The following SYNJ2 variants were observed in gnomAD, a reference collection of about 807,000 sequenced individuals.
SYNJ2 encodes synaptojanin 2.
In SYNJ2, 116 loss-of-function variants were observed where a neutral mutation model predicts 141.3. That is an observed-to-expected ratio of 0.82 (90% CI 0.71 to 0.96). SYNJ2 has a LOEUF of 0.96. SYNJ2 is among the 40% of genes least tolerant of loss of function. SYNJ2 has a pLI of 0.00. For synonymous variants in SYNJ2, 745 were observed against 777.7 expected (o/e 0.96, Z 0.70); for missense variants, 1,873 against 1,934.8 (o/e 0.97, Z 0.60).
intron 4 of SYNJ2, among the ~76,000 whole-genome samples, chr6:158,042,929 AG>A (rs1240874670): frequency 1.3e-5 from 2 of 152,234 alleles, no homozygotes; most frequent in African/African-American, 4.8e-5. Context: ...CTATTTGCCA[AG>A]GCAAAAATAG....
chr6:158,006,094 C>T (rs577563715), intron 1 of SYNJ2, among the ~76,000 whole-genome samples: 3 of 152,346 alleles, frequency 2.0e-5, no homozygotes, highest in Admixed American at 1.3e-4. Flanking sequence ...TTTCTGCCAG[C>T]ACAAAACTTG....
chr6:158,010,015 C>T (rs1426340707), intron 1 of SYNJ2, among the ~76,000 whole-genome samples: 1 of 152,210 alleles, frequency 6.6e-6, no homozygotes, highest in East Asian at 1.9e-4. Context: ...CTCCTGGGCT[C>T]AAGCAATCCT....
intron 2 of SYNJ2, among the ~76,000 whole-genome samples, chr6:158,021,107 A>G (rs1329998011): frequency 6.6e-6 from 1 of 152,192 alleles, no homozygotes; most frequent in Non-Finnish European, 1.5e-5. Flanking sequence ...CCCAATGATT[A>G]TAGCAATTTA....
At chr6:158,038,553 C>G (rs1362903614) in intron 4 of SYNJ2, among the ~76,000 whole-genome samples, 4 of 152,224 alleles carry the variant, frequency 2.6e-5, no homozygotes, top group African/African-American at 9.6e-5. Context: ...CTGGCCCATC[C>G]ATCGGAGACC....
rs1782304554 is a variant in SYNJ2, at chr6:158,076,589, A to T, written c.2293-37A>T. 4 of 1,586,154 alleles carry T rather than the reference A, an allele frequency of 2.5e-6. No individual in the cohort carries two copies. In the East Asian group the frequency reaches 9.0e-5, roughly 36 times the overall value. ...TTGTATATAACATTCAGGATCGAAA[A>T]CTACGGTGGCCTGATGACTTCTTTT... On this transcript the variant is annotated intron_variant, in intron 16 of 26. Transcript: ENST00000355585.
chr6:158,045,142 C>T (rs953027436), intron 5 of SYNJ2, among the ~76,000 whole-genome samples: 3 of 122,994 alleles, frequency 2.4e-5, no homozygotes, highest in African/African-American at 9.2e-5. Context: ...GAGTCTCACT[C>T]TGTTGCCCAG....
At chr6:158,094,029 G>T (rs375114761) in intron 26 of SYNJ2, 9 of 763,998 alleles carry the variant, frequency 1.2e-5, no homozygotes, top group Middle Eastern at 2.2e-4. Context: ...TTCTAGTAAC[G>T]GACCCTCGGT....
chr6:158,024,347 G>T (rs151225280), intron 2 of SYNJ2, among the ~76,000 whole-genome samples: 3 of 152,170 alleles, frequency 2.0e-5, no homozygotes, highest in African/African-American at 7.2e-5. Context: ...CCTGAAAGGC[G>T]AAAGTTGAAC....
At chr6:158,047,856 T>C (rs1446545382) in intron 5 of SYNJ2, among the ~76,000 whole-genome samples, 2 of 137,730 alleles carry the variant, frequency 1.5e-5, no homozygotes, top group Non-Finnish European at 3.1e-5. Flanking sequence ...CTGCTATTGA[T>C]ACTAATAGAA....
chr6:158,024,772 GA>G lies in SYNJ2; in HGVS notation c.215-3981del, dbSNP rs146898661. The stretch of plus-strand genomic sequence containing the variant: ...ATGGAATTCTGAAGAGGGGGGACTG[GA>G]AATATGAGTGAAAGTTCCATGTGGT... On this transcript the variant is annotated intron_variant, in intron 2 of 26. Coordinates refer to ENST00000355585, the MANE Select transcript of SYNJ2 (RefSeq NM_003898.4). Among the ~76,000 whole-genome samples the G allele has an allele frequency of 2.1e-3, 319 of 152,262 alleles. 1 individual carries two copies. The highest frequency in any genetic ancestry group is 7.2e-3 in the African/African-American group (301 of 41,532).
intron 4 of SYNJ2, among the ~76,000 whole-genome samples, chr6:158,041,813 A>C (rs1042042431): frequency 2.6e-5 from 4 of 152,152 alleles, no homozygotes; most frequent in Non-Finnish European, 5.9e-5. Context: ...GGCTCAGGTG[A>C]TCTTCTTGCC....
intron 26 of SYNJ2, among the ~76,000 whole-genome samples, chr6:158,094,892 A>G (rs1431590954): frequency 6.6e-6 from 1 of 152,228 alleles, no homozygotes; most frequent in Non-Finnish European, 1.5e-5. Flanking sequence ...TCACGCGTGT[A>G]ATCCCAGCAC....
At chr6:158,092,739 T>C (rs1228330161) in intron 25 of SYNJ2, among the ~76,000 whole-genome samples, 187 bp from the exon 26 acceptor site, 2 of 152,078 alleles carry the variant, frequency 1.3e-5, no homozygotes, top group African/African-American at 2.4e-5. Flanking sequence ...CACTCCGGCC[T>C]GGGTGGCAGA....
intron 2 of SYNJ2, among the ~76,000 whole-genome samples, chr6:158,018,437 G>A (rs566904684): frequency 2.0e-5 from 3 of 152,270 alleles, no homozygotes; most frequent in South Asian, 2.1e-4. Flanking sequence ...GTCTGAATTC[G>A]GGCTTTCCCT....
intron 12 of SYNJ2, chr6:158,068,056 A>T (rs1781673469): frequency 1.1e-6 from 1 of 902,034 alleles, no homozygotes; most frequent in Non-Finnish European, 1.3e-6. Context: ...CCCACTAGAG[A>T]TACACCAGGT....
At chr6:158,065,041 G>A (rs1489181145) in intron 11 of SYNJ2, 50 bp downstream of exon 11, 2 of 1,472,320 alleles carry the variant, frequency 1.4e-6, no homozygotes, top group Admixed American at 2.4e-5. Context: ...GTGCTCCCCA[G>A]CCCCACTTTC....
chr6:158,005,830 G>A (rs188387291), intron 1 of SYNJ2, among the ~76,000 whole-genome samples: 2 of 151,998 alleles, frequency 1.3e-5, no homozygotes, highest in South Asian at 2.1e-4. Flanking sequence ...TGAAGCCACT[G>A]GAAGAGAATT....
At chr6:158,000,546 A>G (rs1777806824) in intron 1 of SYNJ2, among the ~76,000 whole-genome samples, 1 of 152,258 alleles carries the variant, frequency 6.6e-6, no homozygotes, top group South Asian at 2.1e-4. Flanking sequence ...TCACCAAACA[A>G]CAACAAATAA....
intron 1 of SYNJ2, among the ~76,000 whole-genome samples, chr6:157,983,927 A>G (rs936868161): frequency 6.6e-6 from 1 of 152,188 alleles, no homozygotes; most frequent in Non-Finnish European, 1.5e-5. Flanking sequence ...TCCCAGGCTC[A>G]AGCGATCCTC....
Sources: gnomAD v4.1 joint callset for allele counts (sites outside exome capture counted in the v4.1 genomes callset) on GRCh38, gnomAD v4.1.1 for gene constraint, MANE v1.5 for transcripts, NCBI Gene and HGNC (gene_info 2026-07-23, HGNC 2026-07-21) for gene names.